Variants in IFT140 observed in about 807,000 individuals in gnomAD.
The protein encoded by IFT140 is intraflagellar transport 140.
Under a neutral mutation model 164.6 loss-of-function variants are expected in IFT140, and 133 were observed. The observed-to-expected ratio is 0.81, with a 90% CI of 0.70 to 0.93. The LOEUF (loss-of-function observed/expected upper bound fraction) is 0.93. IFT140 is among the 40% of genes least tolerant of loss of function. The pLI, the probability that IFT140 is intolerant of heterozygous loss-of-function variation, is 0.00. For missense variants in IFT140, 2,045 were observed against 1,972.3 expected (o/e 1.04, Z -0.70); for synonymous variants, 860 against 817.3 (o/e 1.05, Z -0.89).
rs780661065 is a variant in IFT140, at chr16:1,526,770, C to T, written c.2426G>A (p.Arg809His). ...CAGCCGCTGGGTCTTCACGCACATG[C>T]GCGCCATGTTCTCCCAGACGGCCTC... Reference protein sequence around the residue: ...KSEAVWENMARMCVKTQRLDV... With the variant: ...KSEAVWENMAHMCVKTQRLDV... The change falls in exon 20 of 31, where the codon CGC becomes CAC. Residue 809 changes from arginine (R) to histidine (H), a missense_variant. By Grantham distance (29) the Arg-to-His change is conservative. Coordinates refer to ENST00000426508, the MANE Select transcript of IFT140 (RefSeq NM_014714.4). 6.2e-6 allele frequency: 10 copies of T among 1,609,992 alleles called. No homozygotes were observed. The East Asian group carries it at 8.9e-5, about 14-fold the overall frequency.
Position 1,511,113 on chromosome 16 carries a change from G to A in IFT140, c.4220C>T (p.Pro1407Leu), listed in dbSNP as rs2141089845. 6.2e-7 allele frequency: 1 copy of A among 1,609,602 alleles called. No individual in the cohort carries two copies. The change falls in exon 31 of 31, where the codon CCC becomes CTC. Residue 1407 changes from proline to leucine, a missense_variant. Transcript: ENST00000426508. ...RFLEEMRRRL[P>L]LANMSYYVSP... is the part of the protein sequence containing the mutation. ...CACGTAGTAGGACATGTTGGCCAAGGGAAGCCGCCGCCGCATCTCCTCCAG... is the reference window on the plus strand; with the variant it reads ...CACGTAGTAGGACATGTTGGCCAAGAGAAGCCGCCGCCGCATCTCCTCCAG...
intron 20 of IFT140, 103 bp downstream of exon 20, chr16:1,526,516 A>G: frequency 1.7e-6 from 2 of 1,190,690 alleles, no homozygotes; most frequent in South Asian, 1.6e-5. Context: ...TGCCCACATC[A>G]GTGCAGGCTC....
rs2035077887 is a variant in IFT140 at position 1,589,763 on chromosome 16, C to T, written c.652G>A (p.Asp218Asn). 2 of 1,614,008 alleles carry T rather than the reference C, an allele frequency of 1.2e-6. No homozygotes were observed. The highest frequency in any genetic ancestry group is 1.3e-5 in the African/African-American group (1 of 74,934). Reference sequence around the variant, plus strand: ...ACCTGAGTGGTCTTGCCCTTCTCATCCACATAGTGCACTGTCCCTGGGGAC... The same window carrying T: ...ACCTGAGTGGTCTTGCCCTTCTCATTCACATAGTGCACTGTCCCTGGGGAC... ...SLMDGTVHYV[D>N]EKGKTTQVVS... The change falls in exon 7 of 31, where the codon GAT (aspartate) becomes AAT (asparagine). Residue 218 changes from aspartate to asparagine, a missense_variant. Transcript: ENST00000426508.
At chr16:1,524,254 T>A in intron 24 of IFT140, 1 of 600,140 alleles carries the variant, frequency 1.7e-6, no homozygotes, top group Non-Finnish European at 2.9e-6. Flanking sequence ...AACAGCTATC[T>A]AGGAAGGGTC....
intron 4 of IFT140, among the ~76,000 whole-genome samples, chr16:1,598,947 G>A (rs968697650): frequency 2.1e-5 from 3 of 145,034 alleles, no homozygotes; most frequent in Admixed American, 6.8e-5. Context: ...CCGCCCGGCC[G>A]CCATCCCATC....
intron 26 of IFT140, 39 bp downstream of exon 26, chr16:1,523,479 C>G: frequency 6.3e-7 from 1 of 1,588,716 alleles, no homozygotes; most frequent in Admixed American, 1.7e-5. Context: ...AGCCGTGGTG[C>G]CTGCGTGGAG....
At chr16:1,578,614 G>A (rs552054345) in intron 13 of IFT140, among the ~76,000 whole-genome samples, 14 of 152,024 alleles carry the variant, frequency 9.2e-5, no homozygotes, top group Admixed American at 9.2e-4. Flanking sequence ...GGGCGTGGTG[G>A]CTCACGCCTG....
Position 1,539,570 on chromosome 16 carries a change from G to A in IFT140, c.2400-12774C>T, listed in dbSNP as rs539225560. On this transcript the variant is annotated intron_variant, in intron 19 of 30. Coordinates refer to ENST00000426508, the MANE Select transcript of IFT140 (RefSeq NM_014714.4). ...GCCACCAGGCTGGCTCTCAGCCCCCGCGTCTTCTGTTCCTTCTTTAGAGAG... is the reference window on the plus strand; with the variant it reads ...GCCACCAGGCTGGCTCTCAGCCCCCACGTCTTCTGTTCCTTCTTTAGAGAG... 2.6e-5 allele frequency among the ~76,000 whole-genome samples: 4 copies of A among 152,382 alleles called. No individual in the cohort carries two copies. In the South Asian group the frequency reaches 6.2e-4, roughly 24 times the overall value.
chr16:1,525,499 G>A (rs960163234), intron 21 of IFT140, among the ~76,000 whole-genome samples, 173 bp from the exon 22 acceptor site: 5 of 152,200 alleles, frequency 3.3e-5, no homozygotes, highest in Admixed American at 2.6e-4. Flanking sequence ...GGCAGTGGGG[G>A]CTTCCTGCAC....
chr16:1,518,478 A>T (rs937383734), intron 29 of IFT140, 121 bp from the exon 30 acceptor site: 1 of 888,232 alleles, frequency 1.1e-6, no homozygotes, highest in Admixed American at 3.2e-5. Context: ...GAAACTTTCT[A>T]TGAAGTTAAA....
intron 19 of IFT140, chr16:1,554,900 G>C (rs753392968): frequency 6.2e-7 from 1 of 1,614,256 alleles, no homozygotes. Context: ...CGGCAGCCAT[G>C]CTCATCTGGA....
rs369058620 is a variant in IFT140, at chr16:1,518,235, C to T, written c.4163G>A (p.Arg1388Gln). 26 of 1,613,690 alleles carry T rather than the reference C, an allele frequency of 1.6e-5. No individual in the cohort carries two copies. Among genetic ancestry groups the T allele is most frequent in the African/African-American group, 9.3e-5 (7 of 74,940 alleles). ...CCTCACCGTCTGGTATTCCTCCTTCCGCACGTAGTGCTCCACCAGGAAGCC... is the reference window on the plus strand; with the variant it reads ...CCTCACCGTCTGGTATTCCTCCTTCTGCACGTAGTGCTCCACCAGGAAGCC... ...VYGFLVEHYV[R>Q]KEEYQTAYRF... Residue 1388 changes from arginine (R) to glutamine (Q), a missense_variant, in exon 30 of 31, where the codon CGG becomes CAG. Physicochemically the swap from Arg to Gln is conservative, Grantham distance 43 (BLOSUM62 1). Coordinates refer to ENST00000426508, the MANE Select transcript of IFT140 (RefSeq NM_014714.4).
chr16:1,514,936 T>A (rs1484748860), intron 30 of IFT140, among the ~76,000 whole-genome samples: 1 of 152,016 alleles, frequency 6.6e-6, no homozygotes, highest in Non-Finnish European at 1.5e-5. Context: ...TAAAAAGAAC[T>A]AAGTGTAAAT....
rs138697817 is a variant in IFT140 at position 1,511,060 on chromosome 16, G to T, written c.4273C>A (p.Arg1425=). The T allele has an allele frequency of 7.9e-5, 127 of 1,607,602 alleles. No homozygotes were observed. The African/African-American group carries it at 1.6e-3, about 21-fold the overall frequency. ...CGTGGCAGTGGGAGACCCAGCCCCC[G>T]GTGCACGGCGTCCACGGCCTGCGGG... ...VSPQAVDAVH[R]GLGLPLPRTV... The change falls in exon 31 of 31, where the codon CGG becomes AGG. Residue 1425 remains arginine (R), a synonymous_variant. Coordinates refer to ENST00000426508, the MANE Select transcript of IFT140 (RefSeq NM_014714.4).
rs922819138 is a variant in IFT140 at position 1,530,133 on chromosome 16, C to CTTTTTTTTTTTTTTTTTTTT, written c.2400-3357_2400-3338dup. ...TCCCAAAAGACTTCACGACGGGAAT[C>CTTTTTTTTTTTTTTTTTTTT]TTTTTTTTTTTTTTTTTTTTTTTTG... is the stretch of plus-strand genomic sequence containing the variant. On this transcript the variant is annotated intron_variant, in intron 19 of 30. Coordinates refer to ENST00000426508, the MANE Select transcript of IFT140 (RefSeq NM_014714.4). Among the ~76,000 whole-genome samples the CTTTTTTTTTTTTTTTTTTTT allele has an allele frequency of 4.2e-4, 37 of 88,584 alleles. 2 individuals carry two copies. Among genetic ancestry groups the CTTTTTTTTTTTTTTTTTTTT allele is most frequent in the African/African-American group, 1.3e-3 (24 of 18,454 alleles). The allele number at this position is 88,584 out of a possible 152,430, so 58.1% of individuals were successfully genotyped here. A position where few individuals can be genotyped will look rare whatever the true frequency, so the allele number is the denominator to read the frequency against.
chr16:1,602,130 G>A (rs534175262), intron 4 of IFT140: 21 of 540,640 alleles, frequency 3.9e-5, no homozygotes, highest in East Asian at 1.3e-4. Context: ...ATCTGGGCAC[G>A]TATCTTTACG....
At chr16:1,552,077 T>C (rs1181019624) in intron 19 of IFT140, among the ~76,000 whole-genome samples, 1 of 152,176 alleles carries the variant, frequency 6.6e-6, no homozygotes, top group African/African-American at 2.4e-5. Context: ...GCACAATCCC[T>C]TTCCACTGTT....
chr16:1,520,298 A>G lies in IFT140; in HGVS notation c.3706T>C (p.Phe1236Leu), dbSNP rs1360855149. 2 of 1,614,158 alleles carry G rather than the reference A, an allele frequency of 1.2e-6. No individual in the cohort carries two copies. Among genetic ancestry groups the G allele is most frequent in the Non-Finnish European group, 1.7e-6 (2 of 1,180,014 alleles). The stretch of plus-strand genomic sequence containing the variant: ...TTCTGCCTGGACACGCTCGCGAAGA[A>G]CGTGATTTTCTCCGTGTCTCCGGAT... ...LKSGDTEKITFFASVSRQKEI... is the reference protein window; with the variant it reads ...LKSGDTEKITLFASVSRQKEI... The change falls in exon 28 of 31, where the codon TTC becomes CTC. Residue 1236 changes from phenylalanine to leucine, a missense_variant. Transcript: ENST00000426508.
chr16:1,541,933 T>G (rs569958410), intron 19 of IFT140: 2 of 1,604,436 alleles, frequency 1.2e-6, no homozygotes, highest in Non-Finnish European at 1.7e-6. Context: ...CAGTTCGACA[T>G]GATGCGCGCC....
Sources: gnomAD v4.1 joint callset for allele counts (sites outside exome capture counted in the v4.1 genomes callset) on GRCh38, gnomAD v4.1.1 for gene constraint, MANE v1.5 for transcripts, NCBI Gene and HGNC (gene_info 2026-07-23, HGNC 2026-07-21) for gene names.